Variants in ADAM22 observed in about 807,000 individuals in gnomAD.
The protein encoded by ADAM22 is ADAM metallopeptidase domain 22, also known as disintegrin and metalloproteinase domain-containing protein 22.
A neutral mutation model predicts 144.6 loss-of-function variants in ADAM22; 65 were observed. The ratio of observed to expected loss-of-function variants is 0.45; its 90% confidence interval spans 0.37 to 0.55. ADAM22 has a LOEUF of 0.55. Among genes scored for constraint, ADAM22 ranks in the 20% least tolerant of loss-of-function variants. The pLI, the probability that ADAM22 is intolerant of heterozygous loss-of-function variation, is 0.00. For missense variants in ADAM22, 974 were observed against 1,184.9 expected, an observed-to-expected ratio of 0.82 and a Z score of 2.61; for synonymous variants, 391 against 412.6, an observed-to-expected ratio of 0.95 and a Z score of 0.63.
intron 16 of ADAM22, 69 bp from the exon 17 acceptor site, chr7:88,145,346 A>G: frequency 1.3e-6 from 2 of 1,507,674 alleles, no homozygotes; most frequent in Non-Finnish European, 1.8e-6. Flanking sequence ...TTTATTTTAG[A>G]AAATATCCTG....
In ADAM22 at chr7:88,186,681, C is replaced by G; in HGVS notation, c.2730C>G (p.Asn910Lys). ...AGTGGGTAGAAGATGTGAATAAAAA[C>G]ACTGAAGGACCATACTTTAGGTATT... ...VAKWVEDVNK[N>K]TEGPYFRTLS... is the part of the protein sequence containing the mutation. The change falls in exon 30 of 32, where the codon AAC becomes AAG. Residue 910 changes from asparagine (N) to lysine (K), a missense_variant. By Grantham distance (94) the Asn-to-Lys change is moderately conservative. Transcript: ENST00000413139. 6.2e-7 allele frequency: 1 copy of G among 1,606,534 alleles called. No individual in the cohort carries two copies. Among genetic ancestry groups the G allele is most frequent in the Non-Finnish European group, 8.5e-7 (1 of 1,173,264 alleles).
At chr7:88,103,469 C>T (rs904145806) in intron 4 of ADAM22, among the ~76,000 whole-genome samples, 9 of 151,674 alleles carry the variant, frequency 5.9e-5, no homozygotes. Context: ...GAAGATAAAC[C>T]AATAATAGAC....
Position 88,092,095 on chromosome 7 carries a change from T to G in ADAM22, c.391-16081T>G, listed in dbSNP as rs1397954918. Among the ~76,000 whole-genome samples, 3 of 152,316 alleles carry G rather than the reference T, an allele frequency of 2.0e-5. No individual in the cohort carries two copies. In the East Asian group the frequency reaches 5.8e-4, roughly 29 times the overall value. ...CATTATAGTTTGAAATATGTTACTG[T>G]CTTGCACATGGCAAACACATGGCTC... On this transcript the variant is annotated intron_variant, in intron 4 of 31. Coordinates refer to ENST00000413139, the MANE Select transcript of ADAM22 (RefSeq NM_001324418.2).
chr7:88,186,112 T>G (rs1364061112), intron 29 of ADAM22: 1 of 180,844 alleles, frequency 5.5e-6, no homozygotes, highest in African/African-American at 2.4e-5. Flanking sequence ...CTATAGAGAG[T>G]AAGACAGTGG....
chr7:87,961,598 C>CT (rs34222661), intron 2 of ADAM22, among the ~76,000 whole-genome samples: 8 of 152,140 alleles, frequency 5.3e-5, no homozygotes, highest in African/African-American at 1.9e-4. Flanking sequence ...TGAATTACTC[C>CT]TTTTGCAGGA....
Position 87,994,598 on chromosome 7 carries a change from T to C in ADAM22, c.323+16186T>C, listed in dbSNP as rs1584893847. ...GTGGGTCTAATTCATATCTCTTCTT[T>C]TTAAAGTGTTCTTTTTTTTTTCTGA... On this transcript the variant is annotated intron_variant, in intron 3 of 31. Transcript: ENST00000413139. 2.6e-5 allele frequency among the ~76,000 whole-genome samples: 4 copies of C among 152,330 alleles called. 1 individual carries two copies. Among genetic ancestry groups the C allele is most frequent in the African/African-American group, 9.6e-5 (4 of 41,582 alleles).
chr7:88,088,530 TA>T (rs1819014891), intron 4 of ADAM22, among the ~76,000 whole-genome samples: 5 of 147,960 alleles, frequency 3.4e-5, no homozygotes, highest in Admixed American at 2.7e-4. Context: ...AAAACACTAG[TA>T]GAGGACAGCT....
At chr7:87,935,286 G>T in intron 2 of ADAM22, 100 bp downstream of exon 2, 1 of 1,333,154 alleles carries the variant, frequency 7.5e-7, no homozygotes, top group Non-Finnish European at 1.0e-6. Flanking sequence ...GTCTTCTTGG[G>T]TGAAATGAGT....
chr7:88,059,620 G>A (rs556771057), intron 3 of ADAM22, among the ~76,000 whole-genome samples: 8 of 152,304 alleles, frequency 5.3e-5, no homozygotes, highest in South Asian at 2.1e-4. Context: ...CAACCTAGGC[G>A]CTGATCGATG....
intron 3 of ADAM22, among the ~76,000 whole-genome samples, chr7:88,068,128 A>T (rs1356657112): frequency 1.3e-5 from 2 of 152,170 alleles, no homozygotes; most frequent in East Asian, 3.8e-4. Context: ...TTCTATAGTG[A>T]GGATTCTCTA....
intron 3 of ADAM22, among the ~76,000 whole-genome samples, chr7:87,982,733 T>C (rs553198497): frequency 8.7e-4 from 119 of 136,062 alleles, no homozygotes; most frequent in African/African-American, 3.0e-3. Context: ...TTGCTCTTGT[T>C]GCCCAGGCTG....
intron 4 of ADAM22, among the ~76,000 whole-genome samples, chr7:88,078,460 G>A (rs377391765): frequency 9.2e-5 from 14 of 152,362 alleles, no homozygotes; most frequent in Admixed American, 2.0e-4. Context: ...CCAAAGGAGC[G>A]CAGCTCCTCG....
chr7:88,144,747 T>C (rs1018264975), intron 15 of ADAM22, among the ~76,000 whole-genome samples: 1 of 152,178 alleles, frequency 6.6e-6, no homozygotes, highest in African/African-American at 2.4e-5. Flanking sequence ...GATTTTAATC[T>C]AGACATCTGA....
intron 3 of ADAM22, among the ~76,000 whole-genome samples, chr7:88,015,948 T>TA (rs397959622): frequency 7.2e-5 from 11 of 152,086 alleles, no homozygotes; most frequent in South Asian, 6.2e-4. Context: ...TCTTTTTTTT[T>TA]AATTTTTCTT....
chr7:88,035,870 A>G (rs1342292039), intron 3 of ADAM22, among the ~76,000 whole-genome samples: 2 of 152,182 alleles, frequency 1.3e-5, no homozygotes, highest in African/African-American at 2.4e-5. Context: ...TAGTAACTAG[A>G]GTGCTGTCTT....
Position 88,198,377 on chromosome 7 carries a change from C to T in ADAM22, c.*1886C>T, listed in dbSNP as rs1226866254. On this transcript the variant is annotated 3_prime_UTR_variant, in exon 32 of 32. Transcript: ENST00000413139. Reference sequence around the variant, plus strand: ...TTACATAATGTAAAACAGCATTTTTCATGACAGGAAGGGATGTGATTGTTG... The same window carrying T: ...TTACATAATGTAAAACAGCATTTTTTATGACAGGAAGGGATGTGATTGTTG... The T allele has an allele frequency of 6.6e-6, 1 of 152,102 alleles. No homozygotes were observed. Among genetic ancestry groups the T allele is most frequent in the Non-Finnish European group, 1.5e-5 (1 of 68,036 alleles). The allele number at this position is 152,102 out of a possible 1,614,324, so 9.4% of individuals were successfully genotyped here.
chr7:88,044,343 CT>C (rs1803957178), intron 3 of ADAM22, among the ~76,000 whole-genome samples: 1 of 152,166 alleles, frequency 6.6e-6, no homozygotes. Flanking sequence ...GTTATCTGCT[CT>C]GTTATGTGGT....
At chr7:87,940,753 G>A (rs976565213) in intron 2 of ADAM22, among the ~76,000 whole-genome samples, 1 of 152,112 alleles carries the variant, frequency 6.6e-6, no homozygotes, top group Non-Finnish European at 1.5e-5. Context: ...TTTCATTCCT[G>A]GAAAATAGCA....
chr7:88,195,438 TGAAG>T (rs1850459840), intron 31 of ADAM22, among the ~76,000 whole-genome samples: 1 of 152,200 alleles, frequency 6.6e-6, no homozygotes, highest in South Asian at 2.1e-4. Context: ...ACAGAATGAA[TGAAG>T]GGACATCCTG....
Sources: gnomAD v4.1 joint callset for allele counts (sites outside exome capture counted in the v4.1 genomes callset) on GRCh38, gnomAD v4.1.1 for gene constraint, MANE v1.5 for transcripts, NCBI Gene and HGNC (gene_info 2026-07-23, HGNC 2026-07-21) for gene names.